Variants in TCF4 observed in about 807,000 individuals in gnomAD.
TCF4 encodes transcription factor 4.
Under a neutral mutation model 82.1 loss-of-function variants are expected in TCF4, and 3 were observed. The observed-to-expected ratio is 0.04, with a 90% CI of 0.02 to 0.09. The LOEUF is 0.09. Ranked by LOEUF, TCF4 falls within the 10% of genes least tolerant of loss-of-function variation. The probability of loss-of-function intolerance (pLI) is 1.00; values close to 1 mark genes in which losing one functional copy is unlikely to be tolerated. For missense variants in TCF4, 518 were observed against 852.7 expected (o/e 0.61, Z 4.89); for synonymous variants, 276 against 309.6 (o/e 0.89, Z 1.14).
intron 8 of TCF4, among the ~76,000 whole-genome samples, chr18:55,331,694 CTTTAGACTGATAAAACATGCA>C: frequency 6.6e-6 from 1 of 152,324 alleles, no homozygotes; most frequent in South Asian, 2.1e-4. Flanking sequence ...GCTATATCTA[CTTTAGACTGATAAAACATGCA>C]CACAATATGA....
chr18:55,284,132 G>T (rs1440684660), intron 8 of TCF4, among the ~76,000 whole-genome samples: 2 of 152,110 alleles, frequency 1.3e-5, no homozygotes, highest in Admixed American at 1.3e-4. Flanking sequence ...TAAAATATCG[G>T]CCAGGAACGG....
intron 2 of TCF4, among the ~76,000 whole-genome samples, chr18:55,599,780 G>A (rs774050616): frequency 1.3e-5 from 2 of 152,096 alleles, no homozygotes; most frequent in East Asian, 1.9e-4. Flanking sequence ...TGTACAGCTC[G>A]ATAAATTTTT....
intron 3 of TCF4, among the ~76,000 whole-genome samples, chr18:55,545,058 T>C (rs1468182537): frequency 2.6e-5 from 4 of 152,220 alleles, no homozygotes; most frequent in Non-Finnish European, 5.9e-5. Context: ...GAGACTAAAG[T>C]GCTGACATTC....
intron 3 of TCF4, among the ~76,000 whole-genome samples, chr18:55,553,830 G>GATA (rs2097280857): frequency 6.6e-6 from 1 of 152,058 alleles, no homozygotes; most frequent in Admixed American, 6.6e-5. Context: ...TATAACCCTA[G>GATA]ATAGTATCAA....
At chr18:55,403,210 C>T (rs1158873732) in intron 6 of TCF4, among the ~76,000 whole-genome samples, 1 of 152,042 alleles carries the variant, frequency 6.6e-6, no homozygotes, top group Admixed American at 6.6e-5. Context: ...CCACTGGTAC[C>T]GGCTGATGGA....
Position 55,508,621 on chromosome 18 carries a change from GC to G in TCF4, c.146-44485del, listed in dbSNP as rs771900609. On this transcript the variant is annotated intron_variant, in intron 3 of 19. Transcript: ENST00000354452. ...TACAGAGAAATTAAATAACTGTGTT[GC>G]CCCAGGTTACAGGTAGTAAGTGGTC... 3.7e-4 allele frequency among the ~76,000 whole-genome samples: 57 copies of G among 152,228 alleles called. 1 individual carries two copies. In the South Asian group the frequency reaches 9.5e-3, roughly 25 times the overall value.
rs28412030 is a variant in TCF4 at position 55,530,975 on chromosome 18, G to A, written c.145+54305C>T. Reference sequence around the variant, plus strand: ...TGCATTTTTTTTTTTTAATTGAGACGGAGTCTTGTTCTGTCATCCAGGCGG... The same window carrying A: ...TGCATTTTTTTTTTTTAATTGAGACAGAGTCTTGTTCTGTCATCCAGGCGG... On this transcript the variant is annotated intron_variant, in intron 3 of 19. Transcript: ENST00000354452. 8.2e-3 allele frequency among the ~76,000 whole-genome samples: 1,247 copies of A among 151,468 alleles called. 10 individuals carry two copies. Among genetic ancestry groups the A allele is most frequent in the Middle Eastern group, 0.045 (13 of 292 alleles).
chr18:55,407,786 T>A (rs1000093287), intron 5 of TCF4, among the ~76,000 whole-genome samples: 40 of 152,324 alleles, frequency 2.6e-4, no homozygotes, highest in Admixed American at 7.8e-4. Flanking sequence ...AATTTCAAAT[T>A]GAATATTTTT....
In TCF4 at chr18:55,314,442, T is replaced by C. The variant is rs901612584; in HGVS notation, c.550-34786A>G. Among the ~76,000 whole-genome samples, 8 of 152,108 alleles carry C rather than the reference T, an allele frequency of 5.3e-5. No individual in the cohort carries two copies. In the South Asian group the frequency reaches 1.7e-3, roughly 31 times the overall value. ...AATTTATCCTTTTTAATTTTTTAAGTAATACATTTGATTATTTTAATCACA... is the reference window on the plus strand; with the variant it reads ...AATTTATCCTTTTTAATTTTTTAAGCAATACATTTGATTATTTTAATCACA... On this transcript the variant is annotated intron_variant, in intron 8 of 19. Coordinates refer to ENST00000354452, the MANE Select transcript of TCF4 (RefSeq NM_001083962.2).
intron 8 of TCF4, among the ~76,000 whole-genome samples, chr18:55,311,573 T>A (rs561831850): frequency 5.9e-5 from 9 of 152,332 alleles, no homozygotes; most frequent in African/African-American, 1.9e-4. Flanking sequence ...ACAATGTCCA[T>A]CTCGAGGAGT....
intron 3 of TCF4, among the ~76,000 whole-genome samples, chr18:55,476,365 G>A (rs1359504263): frequency 5.3e-5 from 8 of 152,184 alleles, no homozygotes; most frequent in Non-Finnish European, 1.2e-4. Flanking sequence ...TACAGCATAA[G>A]CATACCATAC....
intron 6 of TCF4, among the ~76,000 whole-genome samples, chr18:55,381,919 T>G (rs2091968689): frequency 6.7e-6 from 1 of 149,202 alleles, no homozygotes; most frequent in African/African-American, 2.6e-5. Flanking sequence ...GGTTTTTTTT[T>G]TTTTTTAAAA....
intron 8 of TCF4, chr18:55,302,493 G>T: frequency 6.5e-7 from 1 of 1,536,124 alleles, no homozygotes. Flanking sequence ...ATCCTGTGGT[G>T]TTGTTTGCTG....
At chr18:55,576,472 A>G (rs2097529051) in intron 3 of TCF4, among the ~76,000 whole-genome samples, 1 of 152,176 alleles carries the variant, frequency 6.6e-6, no homozygotes, top group Non-Finnish European at 1.5e-5. Context: ...CCTGGAAATC[A>G]TCCCATGTGT....
intron 5 of TCF4, among the ~76,000 whole-genome samples, chr18:55,448,283 A>G (rs1464070329): frequency 6.6e-6 from 1 of 152,216 alleles, no homozygotes; most frequent in Non-Finnish European, 1.5e-5. Flanking sequence ...ATTCCCTCAC[A>G]GTAAGGAAAG....
At chr18:55,589,459 A>G, upstream of TCF4, 1 of 1,056,430 alleles carries the variant, frequency 9.5e-7, no homozygotes, top group Non-Finnish European at 1.1e-6. Context: ...TTACAAGATT[A>G]TGCACCTGGC....
intron 12 of TCF4, 82 bp from the exon 13 acceptor site, chr18:55,260,109 C>T: frequency 9.4e-7 from 1 of 1,065,522 alleles, no homozygotes. Context: ...GTTGTCAACG[C>T]AATTCATTTA....
chr18:55,531,461 T>C (rs750767724), intron 3 of TCF4, among the ~76,000 whole-genome samples: 3 of 152,116 alleles, frequency 2.0e-5, no homozygotes, highest in Non-Finnish European at 4.4e-5. Context: ...CCAACAAAGA[T>C]AGCAAAATAG....
chr18:55,248,513 CCT>C (rs1210925587), intron 15 of TCF4, among the ~76,000 whole-genome samples: 1 of 152,192 alleles, frequency 6.6e-6, no homozygotes, highest in Non-Finnish European at 1.5e-5. Context: ...TGCCCACTAC[CCT>C]CTCTTTTTGC....
Sources: gnomAD v4.1 joint callset for allele counts (sites outside exome capture counted in the v4.1 genomes callset) on GRCh38, gnomAD v4.1.1 for gene constraint, MANE v1.5 for transcripts, NCBI Gene and HGNC (gene_info 2026-07-23, HGNC 2026-07-21) for gene names.